Variants in KLF12 observed in about 807,000 individuals in gnomAD.
The protein encoded by KLF12 is Krueppel-like factor 12.
KLF12 carries 9 observed loss-of-function variants against 37.8 expected under a neutral mutation model. The observed-to-expected ratio is 0.24, with a 90% confidence interval of 0.14 to 0.42. The LOEUF (loss-of-function observed/expected upper bound fraction) is 0.42, where lower values mean the gene tolerates loss of function less well. KLF12 is among the 10% of genes least tolerant of loss of function. KLF12 has a pLI of 1.00. For synonymous variants in KLF12, 208 were observed against 202.1 expected (o/e 1.03, Z -0.25); for missense variants, 411 against 516.0 (o/e 0.80, Z 1.97).
At chr13:73,746,050 A>C (rs1367467145) in intron 6 of KLF12, among the ~76,000 whole-genome samples, 1 of 141,762 alleles carries the variant, frequency 7.1e-6, no homozygotes, top group African/African-American at 2.8e-5. Context: ...GCTGGTAAAG[A>C]TCTACAAAGG....
the KLF12 span, among the ~76,000 whole-genome samples, chr13:74,290,336 A>G: frequency 2.0e-5 from 3 of 152,162 alleles, no homozygotes; most frequent in Non-Finnish European, 4.4e-5. Flanking sequence ...ACCTGATCTA[A>G]TTCCAGCAGC....
At chr13:73,912,511 A>G (rs1336926254) in intron 3 of KLF12, among the ~76,000 whole-genome samples, 1 of 152,170 alleles carries the variant, frequency 6.6e-6, no homozygotes, top group Non-Finnish European at 1.5e-5. Context: ...ACACACAAGG[A>G]GAAGCAGAGA....
At chr13:74,071,566 G>T (rs1259902990) in intron 1 of KLF12, among the ~76,000 whole-genome samples, 1 of 152,060 alleles carries the variant, frequency 6.6e-6, no homozygotes, top group South Asian at 2.1e-4. Flanking sequence ...GGTGGCAGGC[G>T]CCTGTAGTCC....
chr13:73,921,199 G>A (rs1049813966), intron 3 of KLF12, among the ~76,000 whole-genome samples: 2 of 152,110 alleles, frequency 1.3e-5, no homozygotes, highest in East Asian at 3.9e-4. Flanking sequence ...CAACCATCTG[G>A]CCCCTCTTGA....
At chr13:74,252,809 CCTTT>C in the KLF12 span, among the ~76,000 whole-genome samples, 2 of 152,180 alleles carry the variant, frequency 1.3e-5, no homozygotes, top group Admixed American at 6.5e-5. Context: ...TTCCCTTCTT[CCTTT>C]CTTTATTTCT....
intron 3 of KLF12, among the ~76,000 whole-genome samples, chr13:73,910,991 C>G (rs1461449293): frequency 1.3e-5 from 2 of 152,150 alleles, no homozygotes; most frequent in Admixed American, 6.5e-5. Context: ...CAAGAAAGCC[C>G]TCAACAGATG....
At chr13:73,804,808 GA>G (rs1413962636) in intron 5 of KLF12, among the ~76,000 whole-genome samples, 1 of 152,162 alleles carries the variant, frequency 6.6e-6, no homozygotes, top group Non-Finnish European at 1.5e-5. Context: ...CTGAGTCAAA[GA>G]ATATTTCTTT....
At chr13:73,896,832 T>A (rs1279744753) in intron 3 of KLF12, among the ~76,000 whole-genome samples, 2 of 152,212 alleles carry the variant, frequency 1.3e-5, no homozygotes, top group Non-Finnish European at 2.9e-5. Context: ...TACAATGGCT[T>A]TCTTGGTTCT....
chr13:74,296,502 T>C, the KLF12 span, among the ~76,000 whole-genome samples: 9 of 152,098 alleles, frequency 5.9e-5, no homozygotes, highest in African/African-American at 1.4e-4. Flanking sequence ...CTTTGAGTGG[T>C]TGGAGATAGT....
At chr13:73,773,290 C>G (rs1009292220) in intron 5 of KLF12, among the ~76,000 whole-genome samples, 1 of 152,258 alleles carries the variant, frequency 6.6e-6, no homozygotes, top group Middle Eastern at 3.4e-3. Flanking sequence ...TCTCTTCCCA[C>G]TCATTCAGAG....
At chr13:73,757,910 A>G (rs1302130339) in intron 6 of KLF12, among the ~76,000 whole-genome samples, 1 of 152,138 alleles carries the variant, frequency 6.6e-6, no homozygotes, top group Non-Finnish European at 1.5e-5. Context: ...TTAAGTTGAT[A>G]TGTTAATTAA....
intron 5 of KLF12, among the ~76,000 whole-genome samples, chr13:73,796,222 C>T (rs973692340): frequency 6.6e-6 from 1 of 152,146 alleles, no homozygotes; most frequent in Admixed American, 6.5e-5. Flanking sequence ...TTTCTCATCT[C>T]CCTTACACAT....
intron 1 of KLF12, among the ~76,000 whole-genome samples, chr13:74,050,153 A>AC (rs1491340093): frequency 6.6e-6 from 1 of 151,314 alleles, no homozygotes; most frequent in Non-Finnish European, 1.5e-5. Flanking sequence ...AGAGAGAAAG[A>AC]AAAAAAAAGA....
At chr13:74,030,366 C>T (rs974375313) in intron 1 of KLF12, among the ~76,000 whole-genome samples, 2 of 152,106 alleles carry the variant, frequency 1.3e-5, no homozygotes, top group African/African-American at 2.4e-5. Context: ...CAATGTTACA[C>T]GTTATTGCCT....
At chr13:73,762,075 T>C (rs1309887944) in intron 6 of KLF12, among the ~76,000 whole-genome samples, 2 of 152,194 alleles carry the variant, frequency 1.3e-5, no homozygotes, top group Admixed American at 6.5e-5. Flanking sequence ...GTATTTGTTA[T>C]TGGGGTGCTA....
chr13:73,826,811 T>C lies in KLF12; in HGVS notation c.671-13524A>G, dbSNP rs1171170023. Among the ~76,000 whole-genome samples, 4 of 151,998 alleles carry C rather than the reference T, an allele frequency of 2.6e-5. No homozygotes were observed. In the East Asian group the frequency reaches 7.7e-4, roughly 29 times the overall value. On this transcript the variant is annotated intron_variant, in intron 4 of 7. Transcript: ENST00000377669. ...ATATATATTTTTTTGAGACAGGGTCTCACTCTGTCACCCAAGCTGCAGTGC... is the reference window on the plus strand; with the variant it reads ...ATATATATTTTTTTGAGACAGGGTCCCACTCTGTCACCCAAGCTGCAGTGC...
chr13:73,981,950 T>G (rs1029427101), intron 2 of KLF12, among the ~76,000 whole-genome samples: 4 of 152,184 alleles, frequency 2.6e-5, no homozygotes, highest in Admixed American at 2.0e-4. Flanking sequence ...AAAGGGGTCT[T>G]GAAAAAAAAT....
chr13:73,965,284 T>C (rs1251172839), intron 2 of KLF12, among the ~76,000 whole-genome samples: 1 of 152,184 alleles, frequency 6.6e-6, no homozygotes, highest in African/African-American at 2.4e-5. Context: ...CAATAATACA[T>C]ATTTCAGACG....
At chr13:73,906,341 T>A (rs576808575) in intron 3 of KLF12, among the ~76,000 whole-genome samples, 1 of 152,360 alleles carries the variant, frequency 6.6e-6, no homozygotes, top group African/African-American at 2.4e-5. Flanking sequence ...AGTCTGTTAA[T>A]ACAATCTATC....
Sources: gnomAD v4.1 joint callset for allele counts (sites outside exome capture counted in the v4.1 genomes callset) on GRCh38, gnomAD v4.1.1 for gene constraint, MANE v1.5 for transcripts, NCBI Gene and HGNC (gene_info 2026-07-23, HGNC 2026-07-21) for gene names.